The following PHF3 variants were observed in gnomAD, a reference collection of about 807,000 sequenced individuals.
PHF3 encodes the protein PHD finger protein 3.
PHF3 carries 41 observed loss-of-function variants against 178.4 expected under a neutral mutation model. The ratio of observed to expected loss-of-function variants is 0.23; its 90% CI spans 0.18 to 0.30. PHF3 has a LOEUF of 0.30. Among genes scored for constraint, PHF3 ranks in the 10% least tolerant of loss-of-function variants. The pLI is 1.00. For synonymous variants in PHF3, 842 were observed against 800.5 expected (o/e 1.05, Z -0.88); for missense variants, 2,346 against 2,398.1 (o/e 0.98, Z 0.45).
At chr6:63,707,212 A>C (rs1767732210) in intron 13 of PHF3, among the ~76,000 whole-genome samples, 2 of 152,218 alleles carry the variant, frequency 1.3e-5, no homozygotes, top group South Asian at 2.1e-4. Context: ...TTTGGTCTTT[A>C]ATGTTAACAC....
At chr6:63,694,156 C>A (rs1480041056) in intron 5 of PHF3, among the ~76,000 whole-genome samples, 4 of 152,082 alleles carry the variant, frequency 2.6e-5, no homozygotes, top group African/African-American at 9.7e-5. Context: ...TAATTAGAAC[C>A]AGAGTAGCAG....
rs1768356902 is a variant in PHF3 at position 63,720,924 on chromosome 6, T to C, written c.*7216T>C. On this transcript the variant is annotated 3_prime_UTR_variant, in exon 16 of 16. Transcript: ENST00000262043. ...CCATTTATTACAACAGAATGTGCCA[T>C]TGTTATAGCTCATAGGCACAGAGAT... The C allele has an allele frequency of 6.4e-7, 1 of 1,551,166 alleles. No homozygotes were observed. The highest frequency in any genetic ancestry group is 1.4e-5 in the African/African-American group (1 of 73,146).
chr6:63,705,518 C>T (rs895850066), intron 11 of PHF3, among the ~76,000 whole-genome samples: 1 of 152,180 alleles, frequency 6.6e-6, no homozygotes, highest in Non-Finnish European at 1.5e-5. Context: ...TTGCGTGCTC[C>T]TTATGAGAAT....
chr6:63,673,595 T>C (rs1422331343), intron 2 of PHF3, among the ~76,000 whole-genome samples: 1 of 152,238 alleles, frequency 6.6e-6, no homozygotes, highest in African/African-American at 2.4e-5. Flanking sequence ...TAAATTGATT[T>C]CTAATTTCTG....
chr6:63,693,095 C>T (rs1375428918), intron 5 of PHF3, among the ~76,000 whole-genome samples: 1 of 152,088 alleles, frequency 6.6e-6, no homozygotes, highest in South Asian at 2.1e-4. Context: ...CCTTCTGATA[C>T]GTGTTATTAC....
rs755367213 is a variant in PHF3, at chr6:63,698,440, A to G, written c.2826-9A>G. On this transcript the variant is annotated splice_polypyrimidine_tract_variant and intron_variant, in intron 7 of 15. Coordinates refer to ENST00000262043, the MANE Select transcript of PHF3 (RefSeq NM_001370348.2). ...ATTTGAAAAATAATTGAATTGTTCT[A>G]ATTTTAAGACTTACAGACTCAAATT... The G allele has an allele frequency of 1.1e-5, 18 of 1,589,474 alleles. No individual in the cohort carries two copies. In the South Asian group the frequency reaches 2.0e-4, roughly 17 times the overall value.
intron 2 of PHF3, among the ~76,000 whole-genome samples, chr6:63,669,715 A>G (rs935051892): frequency 2.0e-5 from 3 of 152,170 alleles, no homozygotes; most frequent in Admixed American, 2.0e-4. Context: ...AATGAACTTG[A>G]TGTAAGGGAT....
intron 6 of PHF3, 87 bp downstream of exon 6, chr6:63,694,851 A>G: frequency 1.4e-6 from 1 of 739,074 alleles, no homozygotes; most frequent in African/African-American, 1.8e-5. Flanking sequence ...GGGAATTTTT[A>G]CAAATTTAAC....
chr6:63,724,600 T>G lies in PHF3; in HGVS notation c.*10892T>G, dbSNP rs547098912. On this transcript the variant is annotated 3_prime_UTR_variant, in exon 16 of 16. Transcript: ENST00000262043. ...TCAAAAATCTTTTAAAGGTGTTAAATTTTTAGCAGAAATAGATGAAAAGGG... is the reference window on the plus strand; with the variant it reads ...TCAAAAATCTTTTAAAGGTGTTAAAGTTTTAGCAGAAATAGATGAAAAGGG... Among the ~76,000 whole-genome samples the G allele has an allele frequency of 9.9e-5, 15 of 152,254 alleles. No homozygotes were observed. Among genetic ancestry groups the G allele is most frequent in the Non-Finnish European group, 1.8e-4 (12 of 68,006 alleles).
intron 13 of PHF3, among the ~76,000 whole-genome samples, chr6:63,707,928 G>A (rs1284952467): frequency 6.6e-6 from 1 of 151,774 alleles, no homozygotes; most frequent in South Asian, 2.1e-4. Flanking sequence ...GTGCAGTGGC[G>A]TGATCTTGGC....
At chr6:63,646,439 A>T in intron 1 of PHF3, 88 bp from the exon 2 acceptor site, 1 of 888,298 alleles carries the variant, frequency 1.1e-6, no homozygotes, top group Non-Finnish European at 1.6e-6. Flanking sequence ...GTGTGTTCTT[A>T]GACTCAAAAC....
Position 63,685,356 on chromosome 6 carries a change from T to C in PHF3, c.1634T>C (p.Val545Ala), listed in dbSNP as rs760029075. The C allele has an allele frequency of 2.7e-5, 44 of 1,613,862 alleles. No individual in the cohort carries two copies. The highest frequency in any genetic ancestry group is 3.5e-5 in the Non-Finnish European group (41 of 1,179,982). ...TCTCAGCAAAATTTTCATAGGCCAG[T>C]CAAAGTCAGAAAAAAACAAATTGAT... is the stretch of plus-strand genomic sequence containing the variant. ...PESQQNFHRP[V>A]KVRKKQIDKE... The change falls in exon 4 of 16, where the codon GTC (valine) becomes GCC (alanine). Residue 545 changes from valine to alanine, a missense_variant. Physicochemically the swap from Val to Ala is moderately conservative, Grantham distance 64. Coordinates refer to ENST00000262043, the MANE Select transcript of PHF3 (RefSeq NM_001370348.2).
At chr6:63,648,995 A>AT (rs984156518) in intron 2 of PHF3, among the ~76,000 whole-genome samples, 1 of 152,052 alleles carries the variant, frequency 6.6e-6, no homozygotes, top group Admixed American at 6.6e-5. Flanking sequence ...AGGCCCACAC[A>AT]TTTTCTGAAA....
In PHF3 at chr6:63,711,450, A is replaced by C. The variant is rs1473530487; in HGVS notation, c.3997+88A>C. ...AAAGACTGATTCTGCCTTCTTTCTC[A>C]GGATCCAGCCCTCTAGAGATGGCTT... On this transcript the variant is annotated intron_variant, in intron 15 of 15. Transcript: ENST00000262043. 2.2e-6 allele frequency: 3 copies of C among 1,358,862 alleles called. No individual in the cohort carries two copies. The African/African-American group carries it at 4.4e-5, about 20-fold the overall frequency. The allele number at this position is 1,358,862 out of a possible 1,614,324, so 84.2% of individuals were successfully genotyped here.
In PHF3 at chr6:63,712,972, T is replaced by G; in HGVS notation, c.5384T>G (p.Phe1795Cys). 3 of 1,613,896 alleles carry G rather than the reference T, an allele frequency of 1.9e-6. No individual in the cohort carries two copies. The highest frequency in any genetic ancestry group is 2.5e-6 in the Non-Finnish European group (3 of 1,179,942). ...ACCAGCCCCAGAACAAGTACAAACT[T>G]TTCACCCATGAGGCCACAGCAGCCC... ...RSTSPRTSTN[F>C]SPMRPQQPNL... is the part of the protein sequence containing the mutation. The change falls in exon 16 of 16, where the codon TTT (phenylalanine) becomes TGT (cysteine). Residue 1795 changes from phenylalanine to cysteine, a missense_variant. Coordinates refer to ENST00000262043, the MANE Select transcript of PHF3 (RefSeq NM_001370348.2).
Position 63,684,628 on chromosome 6 carries a change from T to C in PHF3, c.906T>C (p.Gly302=), listed in dbSNP as rs1373239286. The stretch of plus-strand genomic sequence containing the variant: ...ATGAACAAAATGATTCCATTTCAGG[T>C]AAAACGGGTGAGACTGTTGTTGAAG... ...EEHEQNDSIS[G]KTGETVVEEM... Residue 302 remains glycine (G), a synonymous_variant, in exon 4 of 16, where the codon GGT becomes GGC. Transcript: ENST00000262043. The C allele has an allele frequency of 6.2e-7, 1 of 1,613,788 alleles. No homozygotes were observed. Among genetic ancestry groups the C allele is most frequent in the African/African-American group, 1.3e-5 (1 of 74,926 alleles).
At position 63,713,744 on chromosome 6, in the gene PHF3, C is replaced by A; in HGVS notation, c.*36C>A. The stretch of plus-strand genomic sequence containing the variant: ...CTGCTTCAGGATTACATTTAAATAA[C>A]TGTTAAAATGTTGTATCTTGTAAAC... On this transcript the variant is annotated 3_prime_UTR_variant, in exon 16 of 16. Transcript: ENST00000262043. The A allele has an allele frequency of 6.9e-7, 1 of 1,442,714 alleles. No homozygotes were observed. 89.4% of individuals were successfully genotyped at this position (1,442,714 alleles called of 1,614,324 possible). A position where few individuals can be genotyped will look rare whatever the true frequency, so the allele number is the denominator to read the frequency against.
rs1023386302 is a variant in PHF3, at chr6:63,635,835, C to A, written c.-341C>A. ...CACGTGACACGGCCCCTCTCCAGCT[C>A]CCGCGCCGCCGCCGCACGCCGATGG... is the stretch of plus-strand genomic sequence containing the variant. On this transcript the variant is annotated 5_prime_UTR_variant, in exon 1 of 16. Coordinates refer to ENST00000262043, the MANE Select transcript of PHF3 (RefSeq NM_001370348.2). The A allele has an allele frequency of 2.0e-5, 8 of 396,042 alleles. No individual in the cohort carries two copies. In the South Asian group the frequency reaches 9.0e-4, roughly 45 times the overall value. 24.5% of individuals were successfully genotyped at this position (396,042 alleles called of 1,614,324 possible). A position where few individuals can be genotyped will look rare whatever the true frequency, so the allele number is the denominator to read the frequency against.
chr6:63,688,412 T>G (rs1456891678), intron 4 of PHF3, among the ~76,000 whole-genome samples: 2 of 138,952 alleles, frequency 1.4e-5, no homozygotes, highest in African/African-American at 5.5e-5. Context: ...CTTGGCTGAC[T>G]GAAACCTCCA....
Sources: gnomAD v4.1 joint callset for allele counts (sites outside exome capture counted in the v4.1 genomes callset) on GRCh38, gnomAD v4.1.1 for gene constraint, MANE v1.5 for transcripts, NCBI Gene and HGNC (gene_info 2026-07-23, HGNC 2026-07-21) for gene names.